Variants in LTBP1 observed in about 807,000 individuals in gnomAD.
LTBP1 encodes the protein latent transforming growth factor beta binding protein 1.
A neutral mutation model predicts 207.6 loss-of-function variants in LTBP1; 129 were observed. The ratio of observed to expected loss-of-function variants is 0.62; its 90% CI spans 0.54 to 0.72. The LOEUF is 0.72. Ranked by LOEUF, LTBP1 falls within the 30% of genes least tolerant of loss-of-function variation. The pLI, the probability that LTBP1 is intolerant of heterozygous loss-of-function variation, is 0.00. For missense variants in LTBP1, 2,281 were observed against 2,217.2 expected, an observed-to-expected ratio of 1.03 and a Z score of -0.58; for synonymous variants, 963 against 833.7, an observed-to-expected ratio of 1.16 and a Z score of -2.67.
intron 23 of LTBP1, among the ~76,000 whole-genome samples, chr2:33,311,693 A>G (rs947410600): frequency 1.3e-5 from 2 of 152,326 alleles, no homozygotes; most frequent in East Asian, 1.9e-4. Flanking sequence ...AAGATTTCAT[A>G]TTGCATAAAT....
At chr2:33,187,520 C>T (rs1416532936) in intron 6 of LTBP1, among the ~76,000 whole-genome samples, 2 of 151,882 alleles carry the variant, frequency 1.3e-5, no homozygotes, top group African/African-American at 4.9e-5. Context: ...CCTCACTGGA[C>T]TTCAATTTGT....
At chr2:33,051,590 A>G (rs1468424443) in intron 3 of LTBP1, among the ~76,000 whole-genome samples, 5 of 152,150 alleles carry the variant, frequency 3.3e-5, no homozygotes, top group East Asian at 1.9e-4. Flanking sequence ...AAATATTTGC[A>G]TGGCCCCGGA....
At chr2:33,248,621 C>A (rs905584631) in intron 10 of LTBP1, among the ~76,000 whole-genome samples, 5 of 142,094 alleles carry the variant, frequency 3.5e-5, no homozygotes, top group Admixed American at 7.2e-5. Context: ...GAGTCTTGAT[C>A]TGCTGCCCAG....
At chr2:33,112,946 T>G (rs1023936363) in intron 4 of LTBP1, among the ~76,000 whole-genome samples, 5 of 152,220 alleles carry the variant, frequency 3.3e-5, no homozygotes, top group Non-Finnish European at 7.3e-5. Flanking sequence ...ATGCAAACAT[T>G]AATTTTTTAT....
intron 20 of LTBP1, among the ~76,000 whole-genome samples, chr2:33,294,614 T>A (rs918907010): frequency 3.4e-5 from 5 of 147,842 alleles, no homozygotes; most frequent in African/African-American, 1.3e-4. Flanking sequence ...AGTCTTGCTC[T>A]GTCGCCCAGG....
At chr2:33,300,641 C>T in intron 21 of LTBP1, 68 bp downstream of exon 21, 1 of 1,506,366 alleles carries the variant, frequency 6.6e-7, no homozygotes, top group Admixed American at 2.0e-5. Context: ...AAGGTACGCT[C>T]AATCAAGTGA....
chr2:33,375,591 G>A (rs182492799), intron 31 of LTBP1, among the ~76,000 whole-genome samples: 5 of 152,164 alleles, frequency 3.3e-5, no homozygotes, highest in African/African-American at 9.6e-5. Flanking sequence ...GCAGTGGCAC[G>A]ATCTCGGCTC....
At chr2:33,285,006 A>C (rs2093635094) in intron 19 of LTBP1, among the ~76,000 whole-genome samples, 9 of 150,218 alleles carry the variant, frequency 6.0e-5, no homozygotes, top group Admixed American at 6.0e-4. Flanking sequence ...AATAACTGGT[A>C]CTTGGTAAAG....
At chr2:33,052,994 C>G (rs1572398696) in intron 3 of LTBP1, among the ~76,000 whole-genome samples, 1 of 151,988 alleles carries the variant, frequency 6.6e-6, no homozygotes, top group South Asian at 2.1e-4. Flanking sequence ...CTTGCGTCAG[C>G]CTCCCGAGTA....
At chr2:33,278,546 T>C (rs923003621) in intron 18 of LTBP1, among the ~76,000 whole-genome samples, 1 of 152,174 alleles carries the variant, frequency 6.6e-6, no homozygotes, top group Admixed American at 6.5e-5. Context: ...CTTACTTTAT[T>C]CTGTTAAGGT....
At chr2:33,108,531 G>A (rs1277035018) in intron 3 of LTBP1, among the ~76,000 whole-genome samples, 2 of 151,940 alleles carry the variant, frequency 1.3e-5, no homozygotes, top group African/African-American at 4.8e-5. Context: ...CTCGTTTCTT[G>A]TCCTCCGCTT....
chr2:33,306,122 CA>C (rs928181534), intron 22 of LTBP1, among the ~76,000 whole-genome samples: 3 of 150,936 alleles, frequency 2.0e-5, no homozygotes, highest in African/African-American at 7.3e-5. Context: ...AAAGGCCTTG[CA>C]AAAAAAAATT....
At chr2:33,288,008 G>T (rs2093698650) in intron 19 of LTBP1, among the ~76,000 whole-genome samples, 1 of 152,156 alleles carries the variant, frequency 6.6e-6, no homozygotes, top group Non-Finnish European at 1.5e-5. Context: ...GACACATTTG[G>T]GGTAGGGGAT....
intron 2 of LTBP1, among the ~76,000 whole-genome samples, chr2:32,990,658 G>GTA (rs964630785): frequency 6.6e-6 from 1 of 152,182 alleles, no homozygotes; most frequent in Admixed American, 6.5e-5. Flanking sequence ...AAATAAATGA[G>GTA]TATGTGTGTG....
intron 7 of LTBP1, among the ~76,000 whole-genome samples, chr2:33,196,648 A>G (rs1249986388): frequency 3.3e-5 from 5 of 152,242 alleles, no homozygotes; most frequent in Non-Finnish European, 2.9e-5. Context: ...ATTTTCTTCT[A>G]AATAAATAAA....
In LTBP1 at chr2:33,257,527, G is replaced by C; in HGVS notation, c.2395+16G>C. 6.3e-7 allele frequency: 1 copy of C among 1,593,716 alleles called. No homozygotes were observed. The highest frequency in any genetic ancestry group is 1.1e-5 in the South Asian group (1 of 90,554). Reference sequence around the variant, plus strand: ...GAGCCAGAAGGTGAGAGCGGTAATGGATCATGGACTCTAGACATCTATCTG... The same window carrying C: ...GAGCCAGAAGGTGAGAGCGGTAATGCATCATGGACTCTAGACATCTATCTG... On this transcript the variant is annotated intron_variant, in intron 12 of 33. Coordinates refer to ENST00000404816, the MANE Select transcript of LTBP1 (RefSeq NM_206943.4).
At chr2:33,240,254 T>C (rs1446582980) in intron 9 of LTBP1, among the ~76,000 whole-genome samples, 3 of 152,226 alleles carry the variant, frequency 2.0e-5, no homozygotes, top group African/African-American at 7.2e-5. Context: ...AATTCTGCTT[T>C]ACCATTCACC....
At chr2:33,388,045 T>C (rs544401102) in intron 31 of LTBP1, among the ~76,000 whole-genome samples, 3 of 152,324 alleles carry the variant, frequency 2.0e-5, no homozygotes, top group African/African-American at 7.2e-5. Context: ...TTGTGGAACA[T>C]ACTCAGAACA....
At chr2:33,197,402 C>G (rs1400513123) in intron 7 of LTBP1, among the ~76,000 whole-genome samples, 1 of 152,168 alleles carries the variant, frequency 6.6e-6, no homozygotes, top group Non-Finnish European at 1.5e-5. Context: ...TTACAATCAC[C>G]AGCCACTTCA....
Sources: allele counts gnomAD v4.1 joint callset (sites outside exome capture counted in the v4.1 genomes callset), GRCh38; gene constraint gnomAD v4.1.1; transcripts MANE v1.5; gene names NCBI Gene and HGNC (gene_info 2026-07-23, HGNC 2026-07-21).